SLC14A1: variants seen among roughly 807,000 people sequenced by gnomAD.
SLC14A1 encodes the protein urea transporter 1.
SLC14A1 carries 36 observed loss-of-function variants against 39.6 expected under a neutral mutation model. That is an observed-to-expected ratio of 0.91 (90% CI 0.70 to 1.20). The LOEUF is 1.20. Ranked by LOEUF, SLC14A1 falls within the 50% of genes most tolerant of loss-of-function variation. The probability of loss-of-function intolerance (pLI) is 0.00; values close to 1 mark genes in which losing one functional copy is unlikely to be tolerated. For synonymous variants in SLC14A1, 164 were observed against 173.6 expected (o/e 0.94, Z 0.43); for missense variants, 469 against 478.7 (o/e 0.98, Z 0.19).
At chr18:45,737,000 A>G (rs2047217882) in intron 6 of SLC14A1, among the ~76,000 whole-genome samples, 1 of 152,126 alleles carries the variant, frequency 6.6e-6, no homozygotes, top group African/African-American at 2.4e-5. Flanking sequence ...TAAATCTTCC[A>G]TAGTCTACTC....
chr18:45,724,532 A>T (rs1474071972), intron 1 of SLC14A1, among the ~76,000 whole-genome samples: 1 of 152,204 alleles, frequency 6.6e-6, no homozygotes, highest in Non-Finnish European at 1.5e-5. Context: ...GCTGATGTGG[A>T]AGAGGGTTTG....
At position 45,751,445 on chromosome 18, in the gene SLC14A1, A is replaced by G. The variant is rs369367304; in HGVS notation, c.*1494A>G. 5.1e-6 allele frequency: 5 copies of G among 985,198 alleles called. No homozygotes were observed. In the African/African-American group the frequency reaches 8.7e-5, roughly 17 times the overall value. The allele number at this position is 985,198 out of a possible 1,614,324, so 61.0% of individuals were successfully genotyped here. A position where few individuals can be genotyped will look rare whatever the true frequency, so the allele number is the denominator to read the frequency against. ...TCCTCTCTTTAATTTTAAAGTTATC[A>G]GTTCCGTAAAGTCTCTGTAACCAAA... On this transcript the variant is annotated 3_prime_UTR_variant, in exon 10 of 10. Coordinates refer to ENST00000321925, the MANE Select transcript of SLC14A1 (RefSeq NM_015865.7).
chr18:45,751,674 G>A lies in SLC14A1; in HGVS notation c.*1723G>A, dbSNP rs889707802. On this transcript the variant is annotated 3_prime_UTR_variant, in exon 10 of 10. Coordinates refer to ENST00000321925, the MANE Select transcript of SLC14A1 (RefSeq NM_015865.7). ...AGCACACATCTGCAGCAGCTACTCA[G>A]GAGGCTGAGGTGGAAAGATCGCTTG... 1 of 419,066 alleles carries A rather than the reference G, an allele frequency of 2.4e-6. No homozygotes were observed. The highest frequency in any genetic ancestry group is 3.2e-6 in the Non-Finnish European group (1 of 313,082). The allele number at this position is 419,066 out of a possible 1,614,324, so 26.0% of individuals were successfully genotyped here. A position where few individuals can be genotyped will look rare whatever the true frequency, so the allele number is the denominator to read the frequency against.
chr18:45,747,459 C>T (rs933984776), intron 8 of SLC14A1, among the ~76,000 whole-genome samples: 5 of 151,772 alleles, frequency 3.3e-5, no homozygotes, highest in African/African-American at 9.7e-5. Flanking sequence ...GAGGCCGAGA[C>T]GGGCAGATGA....
chr18:45,742,613 C>T (rs1166962864), intron 8 of SLC14A1, among the ~76,000 whole-genome samples: 1 of 151,856 alleles, frequency 6.6e-6, no homozygotes. Flanking sequence ...CCACCCCGGC[C>T]TCCCAAAGTG....
chr18:45,736,653 G>T lies in SLC14A1; in HGVS notation c.663+5G>T. ...TCTGACCTCAGTGCCCTGGAGGTAA[G>T]AGACACTGGCTTCTCACATTCGCCC... On this transcript the variant is annotated splice_donor_5th_base_variant and intron_variant, in intron 6 of 9. Coordinates refer to ENST00000321925, the MANE Select transcript of SLC14A1 (RefSeq NM_015865.7). 6.2e-7 allele frequency: 1 copy of T among 1,613,728 alleles called. No individual in the cohort carries two copies. Among genetic ancestry groups the T allele is most frequent in the Non-Finnish European group, 8.5e-7 (1 of 1,179,622 alleles).
rs1386640725 is a variant in SLC14A1, at chr18:45,739,260, C to G, written c.761C>G (p.Pro254Arg). The G allele has an allele frequency of 6.2e-7, 1 of 1,614,148 alleles. No individual in the cohort carries two copies. The highest frequency in any genetic ancestry group is 1.7e-5 in the Admixed American group (1 of 60,024). ...CTGGGAGCCATCCTACTCTCCTCCC[C>G]ACTCATGTGCCTGCATGCTGCCATA... ...IFLGAILLSS[P>R]LMCLHAAIGS... The change falls in exon 7 of 10, where the codon CCA (proline) becomes CGA (arginine). Residue 254 changes from proline (P) to arginine (R), a missense_variant. Transcript: ENST00000321925.
In SLC14A1 at chr18:45,752,054, T is replaced by C; in HGVS notation, c.*2103T>C. The C allele has an allele frequency of 1.0e-6, 1 of 985,388 alleles. No individual in the cohort carries two copies. The highest frequency in any genetic ancestry group is 1.2e-6 in the Non-Finnish European group (1 of 829,926). 61.0% of individuals were successfully genotyped at this position (985,388 alleles called of 1,614,324 possible). A position where few individuals can be genotyped will look rare whatever the true frequency, so the allele number is the denominator to read the frequency against. On this transcript the variant is annotated 3_prime_UTR_variant, in exon 10 of 10. Transcript: ENST00000321925. ...GGAAACCAAGCAAGCAAACATATCG[T>C]TCCAATTTTAAAACCCAGTGACCAA...
At position 45,731,007 on chromosome 18, in the gene SLC14A1, C is replaced by T. The variant is rs745611570; in HGVS notation, c.152-8C>T. 38 of 1,614,026 alleles carry T rather than the reference C, an allele frequency of 2.4e-5. No individual in the cohort carries two copies. Among genetic ancestry groups the T allele is most frequent in the Non-Finnish European group, 3.1e-5 (37 of 1,179,920 alleles). ...TTCCTTAGCTCTGCTTTACCTCATC[C>T]CTTCCAGACAAACCCGTGGTGCTCC... On this transcript the variant is annotated splice_polypyrimidine_tract_variant and splice_region_variant and intron_variant, in intron 3 of 9. Transcript: ENST00000321925.
At chr18:45,726,522 T>C (rs942792131) in intron 2 of SLC14A1, among the ~76,000 whole-genome samples, 2 of 152,302 alleles carry the variant, frequency 1.3e-5, no homozygotes, top group South Asian at 4.1e-4. Context: ...TGGCCTGGCA[T>C]GATGACTTAT....
At chr18:45,736,382 C>T (rs1193292882) in intron 5 of SLC14A1, 74 bp from the exon 6 acceptor site, 2 of 1,468,880 alleles carry the variant, frequency 1.4e-6, no homozygotes, top group Non-Finnish European at 1.9e-6. Flanking sequence ...AACAAAGCCC[C>T]TCCAGAGTAT....
chr18:45,750,175 A>C lies in SLC14A1; in HGVS notation c.*224A>C. The C allele has an allele frequency of 2.1e-6, 3 of 1,430,950 alleles. No individual in the cohort carries two copies. The highest frequency in any genetic ancestry group is 2.7e-6 in the Non-Finnish European group (3 of 1,097,814). 88.6% of individuals were successfully genotyped at this position (1,430,950 alleles called of 1,614,324 possible). ...GTGATGTGCTCTGGTATGGAATTTGAAACCCCAATGGGGCCTTGGCACTAA... is the reference window on the plus strand; with the variant it reads ...GTGATGTGCTCTGGTATGGAATTTGCAACCCCAATGGGGCCTTGGCACTAA... On this transcript the variant is annotated 3_prime_UTR_variant, in exon 10 of 10. Transcript: ENST00000321925.
At chr18:45,730,897 G>T in intron 3 of SLC14A1, 118 bp from the exon 4 acceptor site, 2 of 895,674 alleles carry the variant, frequency 2.2e-6, no homozygotes, top group Non-Finnish European at 3.7e-6. Context: ...AAATATTAAA[G>T]AAATATCAAA....
chr18:45,728,845 A>T (rs2170974), intron 2 of SLC14A1, among the ~76,000 whole-genome samples: 63,242 of 151,966 alleles, frequency 0.42, 14,170 homozygotes, highest in East Asian at 0.52. Context: ...TTTTGTGTAA[A>T]GATTAATAGT....
chr18:45,739,180 A>C lies in SLC14A1; in HGVS notation c.681A>C (p.Pro227=). 3.1e-6 allele frequency: 5 copies of C among 1,614,084 alleles called. No individual in the cohort carries two copies. Among genetic ancestry groups the C allele is most frequent in the Non-Finnish European group, 4.2e-6 (5 of 1,179,996 alleles). The change falls in exon 7 of 10, where the codon CCA becomes CCC. Residue 227 remains proline (P), a synonymous_variant. Transcript: ENST00000321925. The stretch of plus-strand genomic sequence containing the variant: ...TTTTGCAGTTGTTGAAATCTATACC[A>C]GTGGGAGTTGGTCAGATCTATGGCT... ...LSALELLKSI[P]VGVGQIYGCD...
chr18:45,725,067 GAGTGTTTAAATGCTTTC>G (rs1346370147), intron 2 of SLC14A1, 54 bp downstream of exon 2: 4 of 152,162 alleles, frequency 2.6e-5, no homozygotes, highest in African/African-American at 9.7e-5. Flanking sequence ...GCTAGACCAT[GAGTGTTTAAATGCTTTC>G]TTCTATATCC....
chr18:45,734,774 G>A (rs1024379556), intron 5 of SLC14A1, among the ~76,000 whole-genome samples: 1 of 151,792 alleles, frequency 6.6e-6, no homozygotes, highest in Non-Finnish European at 1.5e-5. Context: ...GGATGGAAAG[G>A]AGGAGGAGTA....
At chr18:45,747,461 G>C in intron 8 of SLC14A1, among the ~76,000 whole-genome samples, 1 of 152,002 alleles carries the variant, frequency 6.6e-6, no homozygotes, top group East Asian at 1.9e-4. Context: ...GGCCGAGACG[G>C]GCAGATGACA....
intron 8 of SLC14A1, chr18:45,741,071 AATCCACCCCCGGAACCCACACTTACC>A (rs1429144458): frequency 2.6e-5 from 4 of 152,158 alleles, no homozygotes; most frequent in African/African-American, 4.8e-5. Context: ...GCAATGGGTA[AATCCACCCCCGGAACCCACACTTACC>A]ATCCACCTCC....
Sources: gnomAD v4.1 joint callset for allele counts (sites outside exome capture counted in the v4.1 genomes callset) on GRCh38, gnomAD v4.1.1 for gene constraint, MANE v1.5 for transcripts, NCBI Gene and HGNC (gene_info 2026-07-23, HGNC 2026-07-21) for gene names.